ANKH: variants seen among roughly 807,000 people sequenced by gnomAD.
The protein encoded by ANKH is ANKH inorganic pyrophosphate transport regulator.
ANKH carries 15 observed loss-of-function variants against 49.0 expected under a neutral mutation model. The observed-to-expected ratio is 0.31, with a 90% CI of 0.20 to 0.47. ANKH has a LOEUF of 0.47. Among genes scored for constraint, ANKH ranks in the 20% least tolerant of loss-of-function variants. ANKH has a pLI of 1.00. For missense variants in ANKH, 429 were observed against 652.0 expected, an observed-to-expected ratio of 0.66 and a Z score of 3.72; for synonymous variants, 273 against 260.0, an observed-to-expected ratio of 1.05 and a Z score of -0.48.
chr5:14,849,476 G>A lies in ANKH; in HGVS notation c.96+21876C>T, dbSNP rs184961756. ...AAACTATTTATTAGATAGATGCAGG[G>A]AGGGCGGGAAGGTGAGCTCAACAGA... On this transcript the variant is annotated intron_variant, in intron 1 of 11. Coordinates refer to ENST00000284268, the MANE Select transcript of ANKH (RefSeq NM_054027.6). Among the ~76,000 whole-genome samples, 28 of 152,308 alleles carry A rather than the reference G, an allele frequency of 1.8e-4. No individual in the cohort carries two copies. In the East Asian group the frequency reaches 5.2e-3, roughly 28 times the overall value.
chr5:14,856,434 A>G (rs1735247312), intron 1 of ANKH, among the ~76,000 whole-genome samples: 1 of 129,126 alleles, frequency 7.7e-6, no homozygotes, highest in African/African-American at 3.0e-5. Context: ...TACAGTTGAA[A>G]AAGTTGAAGC....
At chr5:14,764,520 G>A (rs1377528899) in intron 2 of ANKH, among the ~76,000 whole-genome samples, 1 of 152,190 alleles carries the variant, frequency 6.6e-6, no homozygotes, top group Non-Finnish European at 1.5e-5. Context: ...GCTGACCATA[G>A]AGGCCTGAGC....
intron 1 of ANKH, among the ~76,000 whole-genome samples, chr5:14,821,245 G>A (rs1354057388): frequency 3.3e-5 from 5 of 152,120 alleles, no homozygotes; most frequent in African/African-American, 1.2e-4. Flanking sequence ...ATCCCTTGAG[G>A]GTAATAATCT....
chr5:14,865,503 G>A (rs916305200), intron 1 of ANKH, among the ~76,000 whole-genome samples: 4 of 152,064 alleles, frequency 2.6e-5, no homozygotes, highest in South Asian at 2.1e-4. Flanking sequence ...ACAGTGACTC[G>A]GAGCCTTAGC....
chr5:14,851,906 C>T (rs1188713873), intron 1 of ANKH, among the ~76,000 whole-genome samples: 1 of 152,206 alleles, frequency 6.6e-6, no homozygotes, highest in Non-Finnish European at 1.5e-5. Context: ...AATGAAGGTA[C>T]AGGTAGGCCT....
At chr5:14,720,769 T>C (rs1015693435) in intron 8 of ANKH, among the ~76,000 whole-genome samples, 1 of 152,270 alleles carries the variant, frequency 6.6e-6, no homozygotes. Flanking sequence ...TTTACTGATT[T>C]TGCAGCCAGC....
At chr5:14,724,668 G>A (rs936252580) in intron 8 of ANKH, 7 of 671,638 alleles carry the variant, frequency 1.0e-5, no homozygotes, top group East Asian at 1.3e-4. Flanking sequence ...CATGGTCCCC[G>A]AGCTCCCCTG....
At chr5:14,730,717 A>C (rs1737971222) in intron 8 of ANKH, among the ~76,000 whole-genome samples, 1 of 152,222 alleles carries the variant, frequency 6.6e-6, no homozygotes, top group Admixed American at 6.5e-5. Context: ...CTTGCCAGCA[A>C]GAAGCGAGCG....
Position 14,713,051 on chromosome 5 carries a change from AG to A in ANKH, c.1266-79del. The A allele has an allele frequency of 7.2e-7, 1 of 1,390,404 alleles. No individual in the cohort carries two copies. Among genetic ancestry groups the A allele is most frequent in the South Asian group, 1.2e-5 (1 of 81,544 alleles). 86.1% of individuals were successfully genotyped at this position (1,390,404 alleles called of 1,614,324 possible). On this transcript the variant is annotated intron_variant, in intron 10 of 11. Transcript: ENST00000284268. This position sits in a 1 kb window ranked among gnomAD's most constrained non-coding sequence, Gnocchi z 4.4. Reference sequence around the variant, plus strand: ...AACCGTCGATGCCAAAACCCAGGAAAGTAAGTGTAGCCTCGAGACGGCTGAG... The same window carrying A: ...AACCGTCGATGCCAAAACCCAGGAAATAAGTGTAGCCTCGAGACGGCTGAG...
At chr5:14,815,682 C>G (rs1741013827) in intron 1 of ANKH, among the ~76,000 whole-genome samples, 1 of 152,242 alleles carries the variant, frequency 6.6e-6, no homozygotes, top group South Asian at 2.1e-4. Context: ...AATAACCACT[C>G]CCAGGGCACC....
At chr5:14,831,583 C>T (rs991545300) in intron 1 of ANKH, among the ~76,000 whole-genome samples, 2 of 152,092 alleles carry the variant, frequency 1.3e-5, no homozygotes, top group African/African-American at 4.8e-5. Flanking sequence ...CCAAAGGGAT[C>T]CATGGTCAAA....
At chr5:14,838,573 G>GTT (rs1561078201) in intron 1 of ANKH, among the ~76,000 whole-genome samples, 1 of 152,138 alleles carries the variant, frequency 6.6e-6, no homozygotes, top group Non-Finnish European at 1.5e-5. Context: ...TGGGGCACAC[G>GTT]TGAGTGGCAG....
At chr5:14,720,089 CT>C (rs1737612823) in intron 8 of ANKH, among the ~76,000 whole-genome samples, 1 of 151,968 alleles carries the variant, frequency 6.6e-6, no homozygotes, top group Non-Finnish European at 1.5e-5. Context: ...GCTCTATTTA[CT>C]ATGTCATGTT....
intron 1 of ANKH, among the ~76,000 whole-genome samples, chr5:14,814,645 T>G (rs1740979225): frequency 1.3e-5 from 2 of 152,100 alleles, no homozygotes; most frequent in Non-Finnish European, 2.9e-5. Flanking sequence ...GGACCCGGAG[T>G]GGATAAATTA....
At chr5:14,741,982 G>A in intron 7 of ANKH, 60 bp from the exon 8 acceptor site, 2 of 1,311,034 alleles carry the variant, frequency 1.5e-6, no homozygotes, top group Non-Finnish European at 2.2e-6. Flanking sequence ...GAACCCACCG[G>A]GGGATCTTGA....
At chr5:14,719,039 TCA>T (rs1328921768) in intron 8 of ANKH, among the ~76,000 whole-genome samples, 1 of 152,066 alleles carries the variant, frequency 6.6e-6, no homozygotes, top group East Asian at 1.9e-4. Context: ...AGCGGACGTC[TCA>T]GACTGAAAGA....
chr5:14,732,840 A>T (rs988876548), intron 8 of ANKH, among the ~76,000 whole-genome samples: 1 of 152,092 alleles, frequency 6.6e-6, no homozygotes, highest in Non-Finnish European at 1.5e-5. Flanking sequence ...CCACAGCTAT[A>T]AGCACCAAGC....
At chr5:14,853,720 A>G (rs1742179246) in intron 1 of ANKH, among the ~76,000 whole-genome samples, 1 of 152,080 alleles carries the variant, frequency 6.6e-6, no homozygotes, top group Non-Finnish European at 1.5e-5. Flanking sequence ...GCTGGAGTGC[A>G]GTGGCGCGAT....
rs572539370 is a variant in ANKH at position 14,797,219 on chromosome 5, C to T, written c.97-28028G>A. 1.1e-4 allele frequency: 148 copies of T among 1,331,804 alleles called. 2 individuals carry two copies. The highest frequency in any genetic ancestry group is 7.3e-4 in the Admixed American group (43 of 59,282). 82.5% of individuals were successfully genotyped at this position (1,331,804 alleles called of 1,614,324 possible). A position where few individuals can be genotyped will look rare whatever the true frequency, so the allele number is the denominator to read the frequency against. On this transcript the variant is annotated intron_variant, in intron 1 of 11. Transcript: ENST00000284268. ...GCCACACTTGCATGATATTGTCTTC[C>T]GATACAGAACACATCACTCAAGGTT...
Sources: gnomAD v4.1 joint callset for allele counts (sites outside exome capture counted in the v4.1 genomes callset) on GRCh38, gnomAD v4.1.1 for gene constraint, Gnocchi (gnomAD v3.1) non-coding constraint, MANE v1.5 for transcripts, NCBI Gene and HGNC (gene_info 2026-07-23, HGNC 2026-07-21) for gene names.